HPSE2: variants seen among roughly 807,000 people sequenced by gnomAD.
HPSE2 encodes heparanase 2 (inactive).
A neutral mutation model predicts 60.5 loss-of-function variants in HPSE2; 38 were observed. The ratio of observed to expected loss-of-function variants is 0.63; its 90% CI spans 0.48 to 0.82. The LOEUF (loss-of-function observed/expected upper bound fraction) is 0.82, where lower values mean the gene tolerates loss of function less well. HPSE2 is among the 40% of genes least tolerant of loss of function. The probability of loss-of-function intolerance (pLI) is 0.00; values close to 1 mark genes in which losing one functional copy is unlikely to be tolerated. For missense variants in HPSE2, 713 were observed against 740.4 expected (o/e 0.96, Z 0.43); for synonymous variants, 295 against 293.2 (o/e 1.01, Z -0.06).
At chr10:99,175,313 A>T (rs182312363) in intron 2 of HPSE2, among the ~76,000 whole-genome samples, 126 of 152,280 alleles carry the variant, frequency 8.3e-4, no homozygotes, top group South Asian at 1.7e-3. Context: ...CCAGGGAGCC[A>T]AGTGGTCTAG....
intron 3 of HPSE2, among the ~76,000 whole-genome samples, chr10:99,064,731 C>CA (rs199819713): frequency 0.18 from 26,135 of 142,142 alleles, 2,533 homozygotes; most frequent in Admixed American, 0.25. Context: ...CCTTATCAAC[C>CA]AAAAAAAAAA....
At chr10:99,110,157 A>G (rs7089572) in intron 3 of HPSE2, among the ~76,000 whole-genome samples, 24,953 of 152,220 alleles carry the variant, frequency 0.16, 2,432 homozygotes, top group Admixed American at 0.24. Context: ...TAAAAGAAAA[A>G]GACATGCTCT....
chr10:99,082,372 G>T (rs1843173788), intron 3 of HPSE2, among the ~76,000 whole-genome samples: 1 of 152,202 alleles, frequency 6.6e-6, no homozygotes, highest in Non-Finnish European at 1.5e-5. Context: ...ACTGAGACAT[G>T]GAGTGAAAAA....
the HPSE2 span, among the ~76,000 whole-genome samples, chr10:99,279,446 T>C: frequency 6.6e-6 from 1 of 152,224 alleles, no homozygotes; most frequent in Non-Finnish European, 1.5e-5. Context: ...GGGAGTATGC[T>C]TTACTAAGAG....
In HPSE2 at chr10:98,711,990, C is replaced by A. The variant is rs147538674; in HGVS notation, c.956+9667G>T. ...TGCAGGAGGACCATGGACTATACTT[C>A]TGACAAATTCTGATCTTAGCAGCAC... On this transcript the variant is annotated intron_variant, in intron 5 of 11. Coordinates refer to ENST00000370552, the MANE Select transcript of HPSE2 (RefSeq NM_021828.5). Among the ~76,000 whole-genome samples, 306 of 152,166 alleles carry A rather than the reference C, an allele frequency of 2.0e-3. 2 individuals carry two copies. Among genetic ancestry groups the A allele is most frequent in the African/African-American group, 6.7e-3 (280 of 41,542 alleles).
intron 2 of HPSE2, among the ~76,000 whole-genome samples, chr10:99,225,659 G>A (rs896254410): frequency 6.6e-6 from 1 of 152,076 alleles, no homozygotes; most frequent in Non-Finnish European, 1.5e-5. Flanking sequence ...AATGTGTCTA[G>A]TGATTTGGAA....
At chr10:98,586,226 T>C (rs1944937115) in intron 9 of HPSE2, among the ~76,000 whole-genome samples, 1 of 152,200 alleles carries the variant, frequency 6.6e-6, no homozygotes, top group Admixed American at 6.5e-5. Flanking sequence ...TTCCCCAAAC[T>C]GTTCACTGTT....
intron 6 of HPSE2, among the ~76,000 whole-genome samples, chr10:98,676,677 G>T (rs1947650375): frequency 6.6e-6 from 1 of 152,172 alleles, no homozygotes; most frequent in Admixed American, 6.5e-5. Context: ...ACTGTTCACT[G>T]ACTAGGGGGT....
At chr10:99,025,963 G>A (rs11189944) in intron 3 of HPSE2, among the ~76,000 whole-genome samples, 15,595 of 151,696 alleles carry the variant, frequency 0.1, 861 homozygotes, top group South Asian at 0.19. Flanking sequence ...ACCAAAAAAC[G>A]TACAATGGAT....
At chr10:98,748,729 A>G (rs1949684935) in intron 3 of HPSE2, among the ~76,000 whole-genome samples, 1 of 152,200 alleles carries the variant, frequency 6.6e-6, no homozygotes, top group Non-Finnish European at 1.5e-5. Flanking sequence ...ATGTCCACAT[A>G]TAAGGGTCAT....
chr10:98,889,579 G>C (rs1953275139), intron 3 of HPSE2, among the ~76,000 whole-genome samples: 1 of 152,148 alleles, frequency 6.6e-6, no homozygotes, highest in African/African-American at 2.4e-5. Flanking sequence ...AAGACCAAAT[G>C]AGAGCAAGAA....
chr10:99,313,232 T>C, the HPSE2 span, among the ~76,000 whole-genome samples: 9 of 152,160 alleles, frequency 5.9e-5, no homozygotes, highest in Non-Finnish European at 1.3e-4. Context: ...TTGTGAATCA[T>C]GGGAGGACTA....
intron 6 of HPSE2, among the ~76,000 whole-genome samples, chr10:98,682,185 T>A (rs565754799): frequency 2.2e-4 from 34 of 152,162 alleles, no homozygotes; most frequent in Admixed American, 5.9e-4. Context: ...CAAGATCTGG[T>A]TGTTGAAAAG....
intron 3 of HPSE2, among the ~76,000 whole-genome samples, chr10:98,995,516 C>T (rs577535529): frequency 2.0e-5 from 3 of 152,278 alleles, no homozygotes; most frequent in African/African-American, 4.8e-5. Context: ...GAAAAAGTCA[C>T]CATTTATTCT....
intron 3 of HPSE2, among the ~76,000 whole-genome samples, chr10:98,854,541 T>C (rs1412576890): frequency 2.0e-5 from 3 of 152,164 alleles, no homozygotes; most frequent in Middle Eastern, 3.2e-3. Context: ...ATTTCTTTAA[T>C]TGGCATTCAC....
intron 7 of HPSE2, among the ~76,000 whole-genome samples, chr10:98,625,645 A>T (rs1946186851): frequency 6.6e-6 from 1 of 152,236 alleles, no homozygotes; most frequent in East Asian, 1.9e-4. Flanking sequence ...TAAGCAAAAG[A>T]ACGTATAATA....
rs1412703826 is a variant in HPSE2 at position 99,230,896 on chromosome 10, C to T, written c.448+1452G>A. 4.0e-5 allele frequency among the ~76,000 whole-genome samples: 6 copies of T among 151,888 alleles called. No individual in the cohort carries two copies. In the South Asian group the frequency reaches 1.2e-3, roughly 32 times the overall value. On this transcript the variant is annotated intron_variant, in intron 2 of 11. Transcript: ENST00000370552. ...GTCTGATCACAGAGCTGACAGTGAC[C>T]CTGGGAGCTATAAGGTTCTGGGTCA...
At chr10:98,817,269 C>G (rs890728419) in intron 3 of HPSE2, among the ~76,000 whole-genome samples, 1 of 152,050 alleles carries the variant, frequency 6.6e-6, no homozygotes, top group East Asian at 1.9e-4. Flanking sequence ...GTGATTGTCC[C>G]CTTTCTGAGA....
chr10:99,089,434 T>C (rs1162893976), intron 3 of HPSE2, among the ~76,000 whole-genome samples: 1 of 152,224 alleles, frequency 6.6e-6, no homozygotes, highest in Non-Finnish European at 1.5e-5. Context: ...CAGGGTGTCC[T>C]ATCCCCACTT....
Sources: gnomAD v4.1 joint callset for allele counts (sites outside exome capture counted in the v4.1 genomes callset) on GRCh38, gnomAD v4.1.1 for gene constraint, MANE v1.5 for transcripts, NCBI Gene and HGNC (gene_info 2026-07-23, HGNC 2026-07-21) for gene names.